Variants in DGKB observed in about 807,000 individuals in gnomAD.
The protein encoded by DGKB is 90 kDa diacylglycerol kinase.
DGKB carries 67 observed loss-of-function variants against 114.3 expected under a neutral mutation model. The observed-to-expected ratio is 0.59, with a 90% CI of 0.48 to 0.72. DGKB has a LOEUF of 0.72. Among genes scored for constraint, DGKB ranks in the 30% least tolerant of loss-of-function variants. The pLI, the probability that DGKB is intolerant of heterozygous loss-of-function variation, is 0.00. For missense variants in DGKB, 907 were observed against 975.2 expected (o/e 0.93, Z 0.93); for synonymous variants, 398 against 323.1 (o/e 1.23, Z -2.49).
intron 16 of DGKB, among the ~76,000 whole-genome samples, chr7:14,611,206 A>G (rs1805483400): frequency 6.6e-6 from 1 of 152,106 alleles, no homozygotes; most frequent in African/African-American, 2.4e-5. Context: ...TAGCACTTTT[A>G]TCTTAAACAT....
chr7:14,643,965 T>C (rs927268279), intron 13 of DGKB, among the ~76,000 whole-genome samples: 4 of 152,280 alleles, frequency 2.6e-5, no homozygotes, highest in South Asian at 2.1e-4. Flanking sequence ...CAGGGTCTAC[T>C]GCCACCAACA....
At chr7:14,800,758 T>A (rs1417511393) in intron 2 of DGKB, among the ~76,000 whole-genome samples, 1 of 152,174 alleles carries the variant, frequency 6.6e-6, no homozygotes, top group Non-Finnish European at 1.5e-5. Context: ...TTTTCATGCC[T>A]TTGAATCAAC....
chr7:14,807,158 C>T (rs1049568698), intron 2 of DGKB, among the ~76,000 whole-genome samples: 5 of 151,930 alleles, frequency 3.3e-5, no homozygotes, highest in Admixed American at 1.3e-4. Context: ...AAATTCCCTC[C>T]GTGTCTCTTT....
At chr7:14,842,341 A>G (rs922379177) in intron 1 of DGKB, among the ~76,000 whole-genome samples, 2 of 151,828 alleles carry the variant, frequency 1.3e-5, no homozygotes, top group African/African-American at 4.8e-5. Flanking sequence ...CAACCCCAGG[A>G]CCTCACTGTC....
intron 2 of DGKB, among the ~76,000 whole-genome samples, chr7:14,758,769 T>C (rs1252697034): frequency 6.6e-6 from 1 of 152,176 alleles, no homozygotes; most frequent in Non-Finnish European, 1.5e-5. Context: ...AACTCTCTCA[T>C]AGATGCCCAT....
intron 20 of DGKB, among the ~76,000 whole-genome samples, chr7:14,545,888 C>G (rs7806877): frequency 0.55 from 84,090 of 151,842 alleles, 23,686 homozygotes; most frequent in East Asian, 0.85. Flanking sequence ...AGACAATTAT[C>G]ATGAGGCCAG....
chr7:14,840,966 C>T (rs1004543639), intron 2 of DGKB, among the ~76,000 whole-genome samples: 1 of 152,016 alleles, frequency 6.6e-6, no homozygotes, highest in South Asian at 2.1e-4. Flanking sequence ...AATTGTGCAC[C>T]TAACATTTTA....
intron 21 of DGKB, among the ~76,000 whole-genome samples, chr7:14,471,153 T>C (rs1053635258): frequency 1.3e-5 from 2 of 148,690 alleles, no homozygotes; most frequent in Non-Finnish European, 3.0e-5. Flanking sequence ...TTAGAAATGA[T>C]AATTTTCCAT....
At chr7:14,513,261 T>C (rs1394047514) in intron 20 of DGKB, among the ~76,000 whole-genome samples, 1 of 152,052 alleles carries the variant, frequency 6.6e-6, no homozygotes, top group Admixed American at 6.5e-5. Flanking sequence ...TTCAGGTGTA[T>C]TACATATAAT....
At chr7:14,357,440 A>G (rs1192195654) in intron 21 of DGKB, among the ~76,000 whole-genome samples, 1 of 152,044 alleles carries the variant, frequency 6.6e-6, no homozygotes, top group Non-Finnish European at 1.5e-5. Context: ...TTTGCTTTCC[A>G]TTTGCTTGGT....
Position 14,149,228 on chromosome 7 carries a change from G to GTAAT in DGKB, c.2311_2314dup (p.Thr772AsnfsTer44). Reference sequence around the variant, plus strand: ...CAGCATTGGGGCTTGGTTCTTGTGTGTAATTTTTATCTAGAAAAAAAGAGA... The same window carrying GTAAT: ...CAGCATTGGGGCTTGGTTCTTGTGTGTAATTAATTTTTATCTAGAAAAAAAGAGA... On this transcript the variant is annotated frameshift_variant, in exon 26 of 26. Transcript: ENST00000402815. LOFTEE classifies it high-confidence loss of function. 1 of 1,611,372 alleles carries GTAAT rather than the reference G, an allele frequency of 6.2e-7. No homozygotes were observed. The highest frequency in any genetic ancestry group is 8.5e-7 in the Non-Finnish European group (1 of 1,178,530).
In DGKB at chr7:14,644,526, C is replaced by T. The variant is rs111970816; in HGVS notation, c.1135-14258G>A. Among the ~76,000 whole-genome samples, 683 of 152,102 alleles carry T rather than the reference C, an allele frequency of 4.5e-3. 2 individuals carry two copies. The highest frequency in any genetic ancestry group is 0.015 in the African/African-American group (620 of 41,512). On this transcript the variant is annotated intron_variant, in intron 13 of 25. Transcript: ENST00000402815. ...TGAGAAATTCAACAAAGATGTCCAA[C>T]AGAAATCATAGAACTGAAGAATTCA...
intron 21 of DGKB, among the ~76,000 whole-genome samples, chr7:14,424,016 C>T (rs930145736): frequency 6.6e-6 from 1 of 152,054 alleles, no homozygotes; most frequent in Non-Finnish European, 1.5e-5. Context: ...ACACCATCAC[C>T]TTAGTTCAAC....
At chr7:14,864,662 A>G (rs1291213230) in intron 1 of DGKB, among the ~76,000 whole-genome samples, 7 of 152,192 alleles carry the variant, frequency 4.6e-5, no homozygotes, top group Admixed American at 3.9e-4. Context: ...AGAATCCTCT[A>G]GAAGCAGCAG....
chr7:14,241,830 T>C (rs1793688504), intron 23 of DGKB, among the ~76,000 whole-genome samples: 1 of 151,928 alleles, frequency 6.6e-6, no homozygotes, highest in African/African-American at 2.4e-5. Context: ...TGAAAATTAA[T>C]GATTAAATAA....
At chr7:14,468,934 G>C (rs1464652082) in intron 21 of DGKB, among the ~76,000 whole-genome samples, 3 of 151,844 alleles carry the variant, frequency 2.0e-5, no homozygotes, top group Non-Finnish European at 4.4e-5. Flanking sequence ...GAATCGAAAG[G>C]CAAAATCAAG....
At chr7:14,522,737 G>C (rs1291376427) in intron 20 of DGKB, among the ~76,000 whole-genome samples, 1 of 152,164 alleles carries the variant, frequency 6.6e-6, no homozygotes, top group Non-Finnish European at 1.5e-5. Context: ...AGAATTACTT[G>C]TTTTTGACAA....
At chr7:14,372,358 C>T (rs1319206529) in intron 21 of DGKB, among the ~76,000 whole-genome samples, 4 of 152,158 alleles carry the variant, frequency 2.6e-5, no homozygotes, top group African/African-American at 9.7e-5. Flanking sequence ...CCTGCTACCT[C>T]CAAGTGGCTG....
At chr7:14,343,976 G>T (rs973113617) in intron 22 of DGKB, among the ~76,000 whole-genome samples, 4 of 146,558 alleles carry the variant, frequency 2.7e-5, no homozygotes, top group Non-Finnish European at 4.5e-5. Flanking sequence ...TGTAGTTACA[G>T]ATGTCATATA....
Sources: gnomAD v4.1 joint callset for allele counts (sites outside exome capture counted in the v4.1 genomes callset) on GRCh38, gnomAD v4.1.1 for gene constraint, MANE v1.5 for transcripts, NCBI Gene and HGNC (gene_info 2026-07-23, HGNC 2026-07-21) for gene names.